The following UNC5C variants were observed in gnomAD, a reference collection of about 807,000 sequenced individuals.
UNC5C encodes the protein netrin receptor UNC5C.
In UNC5C, 47 loss-of-function variants were observed where a neutral mutation model predicts 99.8. The ratio of observed to expected loss-of-function variants is 0.47; its 90% CI spans 0.37 to 0.60. The LOEUF (loss-of-function observed/expected upper bound fraction) is 0.60. Ranked by LOEUF, UNC5C falls within the 20% of genes least tolerant of loss-of-function variation. The probability of loss-of-function intolerance (pLI) is 0.00; values close to 1 mark genes in which losing one functional copy is unlikely to be tolerated. For missense variants in UNC5C, 1,062 were observed against 1,165.9 expected (o/e 0.91, Z 1.30); for synonymous variants, 487 against 452.2 (o/e 1.08, Z -0.98).
intron 11 of UNC5C, among the ~76,000 whole-genome samples, chr4:95,204,910 A>G (rs1007707940): frequency 6.6e-6 from 1 of 152,242 alleles, no homozygotes; most frequent in Non-Finnish European, 1.5e-5. Flanking sequence ...TAATAGCATC[A>G]GTGAAATAAT....
chr4:95,219,256 A>G lies in UNC5C; in HGVS notation c.1358T>C (p.Val453Ala). The change falls in exon 9 of 16, where the codon GTC becomes GCC. Residue 453 changes from valine to alanine, a missense_variant. Transcript: ENST00000453304. ...TSAAAMYRGP[V>A]YALHDVSDKI... ...GTCTGAGACGTCATGCAGGGCATAG[A>G]CAGGTCCTCTGTACATGGCTGCAGC... 1 of 1,614,156 alleles carries G rather than the reference A, an allele frequency of 6.2e-7. No homozygotes were observed. The highest frequency in any genetic ancestry group is 1.1e-5 in the South Asian group (1 of 91,086).
intron 4 of UNC5C, among the ~76,000 whole-genome samples, chr4:95,256,311 T>C (rs2149384376): frequency 6.6e-6 from 1 of 152,246 alleles, no homozygotes; most frequent in African/African-American, 2.4e-5. Flanking sequence ...GGTTGTCTGA[T>C]AATGACCTCC....
chr4:95,351,607 C>T (rs899433496), intron 1 of UNC5C, among the ~76,000 whole-genome samples: 1 of 151,866 alleles, frequency 6.6e-6, no homozygotes, highest in East Asian at 1.9e-4. Flanking sequence ...ATTGCTTGAG[C>T]CCAGGGGTTT....
chr4:95,203,560 C>T (rs1299631333), intron 11 of UNC5C, among the ~76,000 whole-genome samples: 1 of 152,118 alleles, frequency 6.6e-6, no homozygotes, highest in Admixed American at 6.5e-5. Context: ...ACCTCCGTCC[C>T]CTAGGCCCAA....
chr4:95,546,774 A>G (rs558000130), intron 1 of UNC5C, among the ~76,000 whole-genome samples: 53 of 152,282 alleles, frequency 3.5e-4, no homozygotes, highest in Admixed American at 2.4e-3. Flanking sequence ...TAATCCATTT[A>G]CAATCTGCTG....
At chr4:95,173,225 C>A (rs1415773554) in intron 14 of UNC5C, among the ~76,000 whole-genome samples, 4 of 141,934 alleles carry the variant, frequency 2.8e-5, no homozygotes, top group East Asian at 4.1e-4. Flanking sequence ...AACTGAATAC[C>A]CTTTATTTCC....
chr4:95,333,763 A>G (rs996915609), intron 2 of UNC5C, among the ~76,000 whole-genome samples: 1 of 152,114 alleles, frequency 6.6e-6, no homozygotes, highest in Non-Finnish European at 1.5e-5. Flanking sequence ...TAATCTTCCT[A>G]TATAGGCATG....
At chr4:95,451,999 CCAAA>C (rs1747291210) in intron 1 of UNC5C, among the ~76,000 whole-genome samples, 1 of 151,986 alleles carries the variant, frequency 6.6e-6, no homozygotes. Context: ...CAAAAAGCAA[CCAAA>C]CAATTTAAAG....
chr4:95,373,370 T>G (rs1384354313), intron 1 of UNC5C, among the ~76,000 whole-genome samples: 1 of 152,166 alleles, frequency 6.6e-6, no homozygotes, highest in Non-Finnish European at 1.5e-5. Flanking sequence ...TTCTTGGTGT[T>G]CCTCTAATAC....
chr4:95,510,224 A>C (rs1030905464), intron 1 of UNC5C, among the ~76,000 whole-genome samples: 2 of 152,148 alleles, frequency 1.3e-5, no homozygotes, highest in Non-Finnish European at 2.9e-5. Context: ...GTTTATTAAA[A>C]ATGAAAATTA....
chr4:95,424,510 TTTC>T (rs1171831468), intron 1 of UNC5C, among the ~76,000 whole-genome samples: 2 of 135,352 alleles, frequency 1.5e-5, no homozygotes, highest in East Asian at 4.5e-4. Context: ...GAATTTTTTT[TTTC>T]TTTTCTTTTT....
chr4:95,538,283 C>A (rs368311471), intron 1 of UNC5C, among the ~76,000 whole-genome samples: 1 of 152,202 alleles, frequency 6.6e-6, no homozygotes, highest in Admixed American at 6.5e-5. Context: ...AGCTAATGGA[C>A]TTTTAATGTC....
intron 1 of UNC5C, among the ~76,000 whole-genome samples, chr4:95,534,145 AG>A (rs2149493740): frequency 6.6e-6 from 1 of 152,338 alleles, no homozygotes; most frequent in South Asian, 2.1e-4. Context: ...AAAAAATAAA[AG>A]AGTGTTAACC....
At chr4:95,179,879 C>CTTT (rs1236482606) in intron 14 of UNC5C, among the ~76,000 whole-genome samples, 1 of 151,728 alleles carries the variant, frequency 6.6e-6, no homozygotes, top group East Asian at 1.9e-4. Context: ...ATGCTACCTT[C>CTTT]TTTTCTCTGG....
intron 1 of UNC5C, among the ~76,000 whole-genome samples, chr4:95,380,530 GCCT>G (rs559485427): frequency 1.2e-3 from 179 of 149,286 alleles, no homozygotes; most frequent in Middle Eastern, 7.1e-3. Context: ...TCCTGCCTCA[GCCT>G]CCCAAATCAC....
rs202052851 is a variant in UNC5C at position 95,548,897 on chromosome 4, A to C, written c.-40T>G. 16 of 1,608,770 alleles carry C rather than the reference A, an allele frequency of 9.9e-6. No individual in the cohort carries two copies. In the Admixed American group the frequency reaches 1.0e-4, roughly 10 times the overall value. ...TGCCGGGGGGAGGGGAGGGGGACAG[A>C]GAGACGCGCAAACAGCTGAAAGCCC... On this transcript the variant is annotated 5_prime_UTR_variant, in exon 1 of 16. Coordinates refer to ENST00000453304, the MANE Select transcript of UNC5C (RefSeq NM_003728.4).
chr4:95,492,344 T>A (rs265011), intron 1 of UNC5C, among the ~76,000 whole-genome samples: 130,844 of 151,130 alleles, frequency 0.87, 56,926 homozygotes, highest in Non-Finnish European at 0.91. Context: ...TAGAATGTGC[T>A]TAGCGTTTTG....
intron 1 of UNC5C, among the ~76,000 whole-genome samples, chr4:95,476,560 T>G (rs564451254): frequency 6.6e-6 from 1 of 152,234 alleles, no homozygotes; most frequent in Admixed American, 6.5e-5. Flanking sequence ...CCTATTACCT[T>G]TGCTAAATTT....
chr4:95,356,651 G>A (rs1744215170), intron 1 of UNC5C, among the ~76,000 whole-genome samples: 1 of 152,170 alleles, frequency 6.6e-6, no homozygotes, highest in African/African-American at 2.4e-5. Flanking sequence ...AGCACTCTAG[G>A]AGTCTGTGCT....
Sources: gnomAD v4.1 joint callset for allele counts (sites outside exome capture counted in the v4.1 genomes callset) on GRCh38, gnomAD v4.1.1 for gene constraint, MANE v1.5 for transcripts, NCBI Gene and HGNC (gene_info 2026-07-23, HGNC 2026-07-21) for gene names.